The following TMEM131L variants were observed in gnomAD, a reference collection of about 807,000 sequenced individuals.
The protein encoded by TMEM131L is transmembrane 131 like.
A neutral mutation model predicts 192.2 loss-of-function variants in TMEM131L; 54 were observed. The ratio of observed to expected loss-of-function variants is 0.28; its 90% CI spans 0.23 to 0.35. The LOEUF is 0.35. TMEM131L is among the 10% of genes least tolerant of loss of function. TMEM131L has a pLI of 1.00. For synonymous variants in TMEM131L, 701 were observed against 704.9 expected, an observed-to-expected ratio of 0.99 and a Z score of 0.09; for missense variants, 1,888 against 1,972.9, an observed-to-expected ratio of 0.96 and a Z score of 0.82.
chr4:153,512,963 T>A (rs1407491394), intron 3 of TMEM131L, among the ~76,000 whole-genome samples: 2 of 152,232 alleles, frequency 1.3e-5, no homozygotes, highest in Non-Finnish European at 2.9e-5. Flanking sequence ...GCATGATCAG[T>A]AGCCATTAAT....
At chr4:153,481,643 C>T (rs2149799287) in intron 3 of TMEM131L, among the ~76,000 whole-genome samples, 1 of 152,298 alleles carries the variant, frequency 6.6e-6, no homozygotes, top group South Asian at 2.1e-4. Context: ...TTAAGGGATC[C>T]TCCAACCTCA....
intron 7 of TMEM131L, among the ~76,000 whole-genome samples, chr4:153,568,744 T>G (rs1477588107): frequency 2.0e-5 from 3 of 152,226 alleles, no homozygotes; most frequent in East Asian, 1.9e-4. Flanking sequence ...TTAGAGTACT[T>G]TAGAAACTTT....
chr4:153,535,785 T>C (rs920853503), intron 3 of TMEM131L, among the ~76,000 whole-genome samples: 42 of 152,218 alleles, frequency 2.8e-4, no homozygotes, highest in African/African-American at 9.4e-4. Flanking sequence ...GTGTCTGATA[T>C]TCTACTCATC....
At chr4:153,491,594 C>G (rs553814065) in intron 3 of TMEM131L, among the ~76,000 whole-genome samples, 1 of 151,760 alleles carries the variant, frequency 6.6e-6, no homozygotes, top group African/African-American at 2.4e-5. Flanking sequence ...CCAAGTTGTA[C>G]GTCTTATGCA....
At chr4:153,628,254 A>G (rs185703764) in intron 31 of TMEM131L, among the ~76,000 whole-genome samples, 17 of 152,244 alleles carry the variant, frequency 1.1e-4, no homozygotes, top group African/African-American at 3.4e-4. Flanking sequence ...AGGTGCATGG[A>G]AGTAGGAATG....
At chr4:153,530,571 G>C (rs545367756) in intron 3 of TMEM131L, among the ~76,000 whole-genome samples, 138 of 152,242 alleles carry the variant, frequency 9.1e-4, no homozygotes, top group African/African-American at 3.2e-3. Context: ...GGGTAGGCTG[G>C]CTTGCTGTAC....
intron 7 of TMEM131L, among the ~76,000 whole-genome samples, chr4:153,573,297 C>G (rs1316551907): frequency 3.3e-5 from 5 of 152,240 alleles, no homozygotes; most frequent in Non-Finnish European, 7.3e-5. Context: ...TAAGCTGTGC[C>G]CATGCTACTC....
At chr4:153,501,442 C>T (rs1346241057) in intron 3 of TMEM131L, among the ~76,000 whole-genome samples, 1 of 152,024 alleles carries the variant, frequency 6.6e-6, no homozygotes, top group African/African-American at 2.4e-5. Context: ...CCTCATGATC[C>T]GCCTGCCTCG....
At chr4:153,561,718 G>A (rs868343453) in intron 7 of TMEM131L, among the ~76,000 whole-genome samples, 12 of 152,182 alleles carry the variant, frequency 7.9e-5, no homozygotes, top group African/African-American at 2.9e-4. Context: ...ATTTATCCAA[G>A]GATCTGTGAG....
intron 3 of TMEM131L, among the ~76,000 whole-genome samples, chr4:153,532,981 A>ATTTTTTTTTTTTTTT (rs1736020667): frequency 2.9e-5 from 4 of 139,338 alleles, no homozygotes; most frequent in African/African-American, 1.1e-4. Context: ...CTCTTTCTCA[A>ATTTTTTTTTTTTTTT]TTCTTTTTTT....
At chr4:153,552,949 T>G (rs1340489297) in intron 4 of TMEM131L, among the ~76,000 whole-genome samples, 1 of 151,952 alleles carries the variant, frequency 6.6e-6, no homozygotes, top group East Asian at 1.9e-4. Flanking sequence ...TTTTGTGTTT[T>G]TTTTTTTCCC....
In TMEM131L at chr4:153,603,294, C is replaced by T. The variant is rs1177784549; in HGVS notation, c.2640-9C>T. The T allele has an allele frequency of 6.2e-7, 1 of 1,611,832 alleles. No homozygotes were observed. The highest frequency in any genetic ancestry group is 8.5e-7 in the Non-Finnish European group (1 of 1,178,896). On this transcript the variant is annotated splice_polypyrimidine_tract_variant and intron_variant, in intron 23 of 34. Transcript: ENST00000409959. The stretch of plus-strand genomic sequence containing the variant: ...ATGCAATACTGAACCTTGTTGCTTT[C>T]TTCCTCAGTTTGTCCCTGTTGGGTG...
intron 28 of TMEM131L, 34 bp from the exon 29 acceptor site, chr4:153,622,864 T>C (rs946277445): frequency 6.2e-7 from 1 of 1,608,500 alleles, no homozygotes; most frequent in African/African-American, 1.3e-5. Flanking sequence ...TGACAGTTGT[T>C]TCAGGGAAAC....
At chr4:153,576,162 A>C (rs1474831167) in intron 7 of TMEM131L, among the ~76,000 whole-genome samples, 2 of 151,962 alleles carry the variant, frequency 1.3e-5, no homozygotes, top group Non-Finnish European at 2.9e-5. Flanking sequence ...GGGTTTCACC[A>C]TGTTAGCCAG....
chr4:153,535,938 GT>G (rs1181316198), intron 3 of TMEM131L, among the ~76,000 whole-genome samples: 1 of 152,126 alleles, frequency 6.6e-6, no homozygotes, highest in Non-Finnish European at 1.5e-5. Context: ...TCATGTTGCT[GT>G]TTACAATCTT....
intron 3 of TMEM131L, among the ~76,000 whole-genome samples, chr4:153,476,097 G>A (rs1303217378): frequency 6.6e-6 from 1 of 152,050 alleles, no homozygotes; most frequent in African/African-American, 2.4e-5. Flanking sequence ...TAGCTGGGAT[G>A]GCAGGTGCAC....
chr4:153,561,054 T>G (rs1267286032), intron 7 of TMEM131L, among the ~76,000 whole-genome samples: 1 of 152,224 alleles, frequency 6.6e-6, no homozygotes, highest in East Asian at 1.9e-4. Context: ...TCTTCCATTT[T>G]TGTTTGTTTT....
chr4:153,569,994 A>G (rs997889404), intron 7 of TMEM131L, among the ~76,000 whole-genome samples: 2 of 151,878 alleles, frequency 1.3e-5, no homozygotes, highest in East Asian at 1.9e-4. Flanking sequence ...GTCCTCTTCA[A>G]TTTCTTGTTT....
intron 20 of TMEM131L, among the ~76,000 whole-genome samples, chr4:153,597,079 A>G (rs1050354523): frequency 1.3e-5 from 2 of 152,144 alleles, no homozygotes; most frequent in Non-Finnish European, 2.9e-5. Flanking sequence ...TTGTAGTATC[A>G]GATCACCTGG....
Sources: gnomAD v4.1 joint callset for allele counts (sites outside exome capture counted in the v4.1 genomes callset) on GRCh38, gnomAD v4.1.1 for gene constraint, MANE v1.5 for transcripts, NCBI Gene and HGNC (gene_info 2026-07-23, HGNC 2026-07-21) for gene names.